The following ERC2 variants were observed in gnomAD, a reference collection of about 807,000 sequenced individuals.
ERC2 encodes ELKS/RAB6-interacting/CAST family member 2.
A neutral mutation model predicts 114.8 loss-of-function variants in ERC2; 42 were observed. That is an observed-to-expected ratio of 0.37 (90% confidence interval 0.29 to 0.47). ERC2 has a LOEUF of 0.47. ERC2 is among the 20% of genes least tolerant of loss of function. The pLI is 0.99. For missense variants in ERC2, 939 were observed against 1,150.7 expected, an observed-to-expected ratio of 0.82 and a Z score of 2.66; for synonymous variants, 454 against 425.5, an observed-to-expected ratio of 1.07 and a Z score of -0.82.
intron 14 of ERC2, among the ~76,000 whole-genome samples, chr3:55,837,486 C>T (rs1230285658): frequency 6.6e-6 from 1 of 151,652 alleles, no homozygotes. Context: ...TCATCATTCT[C>T]AGCAAACTGT....
intron 17 of ERC2, among the ~76,000 whole-genome samples, chr3:55,583,487 CCCTCTCTCCT>C (rs2057400459): frequency 1.5e-5 from 1 of 66,326 alleles, no homozygotes. Context: ...TCCCCTCCAT[CCCTCTCTCCT>C]TCCCTCCCTC....
chr3:56,200,321 A>G (rs2150092957), intron 3 of ERC2, among the ~76,000 whole-genome samples: 1 of 148,868 alleles, frequency 6.7e-6, no homozygotes, highest in East Asian at 2.0e-4. Flanking sequence ...TTTTTCCCAC[A>G]CAGTTTGCCT....
chr3:56,062,150 G>T (rs967600321), intron 7 of ERC2, among the ~76,000 whole-genome samples: 2 of 152,134 alleles, frequency 1.3e-5, no homozygotes, highest in African/African-American at 4.8e-5. Flanking sequence ...GAATAAAAAG[G>T]CTATACTGTT....
chr3:56,149,073 C>T lies in ERC2; in HGVS notation c.1209G>A (p.Met403Ile), dbSNP rs765774739. 1 of 1,613,222 alleles carries T rather than the reference C, an allele frequency of 6.2e-7. No homozygotes were observed. The highest frequency in any genetic ancestry group is 8.5e-7 in the Non-Finnish European group (1 of 1,179,482). ...NIRDLEDEIQ[M>I]LKANGVLNTE... is the part of the protein sequence containing the mutation. ...TGTTCAGCACACCATTGGCTTTTAA[C>T]ATCTGGATCTCATCCTCAAGATCCC... Residue 403 changes from methionine (M) to isoleucine (I), a missense_variant, in exon 5 of 18, where the codon ATG becomes ATA. Coordinates refer to ENST00000288221, the MANE Select transcript of ERC2 (RefSeq NM_015576.3).
At chr3:55,939,452 C>T (rs1392013776) in intron 13 of ERC2, among the ~76,000 whole-genome samples, 2 of 152,220 alleles carry the variant, frequency 1.3e-5, no homozygotes, top group Non-Finnish European at 2.9e-5. Flanking sequence ...GAATATCAAA[C>T]ATTTCTTTTG....
At chr3:56,300,418 G>C (rs1042553555) in intron 2 of ERC2, among the ~76,000 whole-genome samples, 1 of 152,084 alleles carries the variant, frequency 6.6e-6, no homozygotes, top group South Asian at 2.1e-4. Context: ...GAAATGCAGA[G>C]AGGAGGGAAC....
chr3:55,905,080 G>A (rs2064351128), intron 13 of ERC2, among the ~76,000 whole-genome samples: 1 of 152,104 alleles, frequency 6.6e-6, no homozygotes, highest in African/African-American at 2.4e-5. Context: ...GTCTTGATGT[G>A]TTTCACGTTC....
intron 14 of ERC2, among the ~76,000 whole-genome samples, chr3:55,879,646 C>T (rs1177264122): frequency 6.6e-6 from 1 of 152,164 alleles, no homozygotes; most frequent in Non-Finnish European, 1.5e-5. Context: ...TAGGAATAGA[C>T]TAGAGGTGTA....
intron 8 of ERC2, among the ~76,000 whole-genome samples, chr3:56,012,459 C>T (rs1033038425): frequency 6.6e-6 from 1 of 152,118 alleles, no homozygotes; most frequent in Non-Finnish European, 1.5e-5. Context: ...GCACTAAAAT[C>T]CTATGAGTCT....
intron 17 of ERC2, among the ~76,000 whole-genome samples, chr3:55,561,701 C>T (rs548050489): frequency 6.6e-6 from 1 of 152,256 alleles, no homozygotes; most frequent in South Asian, 2.1e-4. Flanking sequence ...TATCCATCCT[C>T]CCTTCTAATA....
chr3:55,946,182 C>T (rs1408416424), intron 13 of ERC2, among the ~76,000 whole-genome samples: 1 of 152,168 alleles, frequency 6.6e-6, no homozygotes, highest in East Asian at 1.9e-4. Context: ...CATGTGGGCT[C>T]TGATGGGACA....
chr3:55,816,638 AT>A (rs1272864628), intron 14 of ERC2, among the ~76,000 whole-genome samples: 1 of 152,200 alleles, frequency 6.6e-6, no homozygotes, highest in Non-Finnish European at 1.5e-5. Flanking sequence ...CATAATTCCC[AT>A]TGTTTTAAGA....
chr3:55,863,509 C>A (rs2062116071), intron 14 of ERC2, among the ~76,000 whole-genome samples: 1 of 151,982 alleles, frequency 6.6e-6, no homozygotes, highest in Non-Finnish European at 1.5e-5. Context: ...GTTTTCCTTC[C>A]TTTTTCAAGG....
intron 6 of ERC2, among the ~76,000 whole-genome samples, chr3:56,132,404 A>G (rs914906239): frequency 6.6e-6 from 1 of 152,228 alleles, no homozygotes; most frequent in African/African-American, 2.4e-5. Context: ...ACACTGAGTC[A>G]TCTGTGACTC....
At chr3:55,578,832 G>T (rs1214094465) in intron 17 of ERC2, among the ~76,000 whole-genome samples, 1 of 152,110 alleles carries the variant, frequency 6.6e-6, no homozygotes, top group Non-Finnish European at 1.5e-5. Flanking sequence ...CTGGTCTAGG[G>T]TGGTTTTGGC....
At chr3:56,210,162 T>G (rs1211532205) in intron 3 of ERC2, among the ~76,000 whole-genome samples, 1 of 152,214 alleles carries the variant, frequency 6.6e-6, no homozygotes, top group Non-Finnish European at 1.5e-5. Context: ...ACCTGGGGGC[T>G]GATAAATCAG....
At chr3:55,559,754 A>C (rs890223260) in intron 17 of ERC2, among the ~76,000 whole-genome samples, 9 of 152,368 alleles carry the variant, frequency 5.9e-5, no homozygotes, top group Non-Finnish European at 1.3e-4. Context: ...AAGAGAGAAC[A>C]AGAGAGATTA....
At chr3:56,060,483 TATC>T (rs1372218502) in intron 7 of ERC2, among the ~76,000 whole-genome samples, 2 of 152,198 alleles carry the variant, frequency 1.3e-5, no homozygotes, top group African/African-American at 2.4e-5. Flanking sequence ...GAATTGTACT[TATC>T]ATCATTTTTA....
At chr3:56,193,032 A>G (rs1206285481) in intron 3 of ERC2, among the ~76,000 whole-genome samples, 1 of 152,186 alleles carries the variant, frequency 6.6e-6, no homozygotes, top group Non-Finnish European at 1.5e-5. Flanking sequence ...TCCTTTGTGT[A>G]TAACTGTTTA....
Sources: allele counts gnomAD v4.1 joint callset (sites outside exome capture counted in the v4.1 genomes callset), GRCh38; gene constraint gnomAD v4.1.1; transcripts MANE v1.5; gene names NCBI Gene and HGNC (gene_info 2026-07-23, HGNC 2026-07-21).